MED13L: variants seen among roughly 807,000 people sequenced by gnomAD.
The protein encoded by MED13L is mediator of RNA polymerase II transcription subunit 13-like.
A neutral mutation model predicts 220.9 loss-of-function variants in MED13L; 7 were observed. That is an observed-to-expected ratio of 0.03 (90% CI 0.02 to 0.06). MED13L has a LOEUF of 0.06. Among genes scored for constraint, MED13L ranks in the 10% least tolerant of loss-of-function variants. The probability of loss-of-function intolerance (pLI) is 1.00; values close to 1 mark genes in which losing one functional copy is unlikely to be tolerated. For synonymous variants in MED13L, 1,011 were observed against 1,015.2 expected (o/e 1.00, Z 0.08); for missense variants, 1,965 against 2,760.5 (o/e 0.71, Z 6.46).
chr12:115,981,510 TGTCAAAG>T (rs528526852), intron 22 of MED13L, among the ~76,000 whole-genome samples: 123 of 152,272 alleles, frequency 8.1e-4, no homozygotes, highest in African/African-American at 2.8e-3. Context: ...ACTATAAAGC[TGTCAAAG>T]GTGCAGTGAA....
chr12:116,243,918 G>A (rs779514242), intron 1 of MED13L, among the ~76,000 whole-genome samples: 1 of 152,164 alleles, frequency 6.6e-6, no homozygotes, highest in Non-Finnish European at 1.5e-5. Flanking sequence ...TCCTGGCCCA[G>A]GCTAATTACA....
rs765745700 is a variant in MED13L at position 115,986,438 on chromosome 12, T to C, written c.4166A>G (p.Tyr1389Cys). The C allele has an allele frequency of 2.1e-5, 34 of 1,614,036 alleles. No individual in the cohort carries two copies. Among genetic ancestry groups the C allele is most frequent in the Admixed American group, 5.0e-5 (3 of 60,006 alleles). ...CGAGATGGTGAGGAAATCCTTGTCA[T>C]AGCCTACCAGCAGAGTGGGGATGGG... ...PLPIPTLLVGYDKDFLTISPF... is the reference protein window; with the variant it reads ...PLPIPTLLVGCDKDFLTISPF... Residue 1389 changes from tyrosine (Y) to cysteine (C), a missense_variant, in exon 19 of 31, where the codon TAT (tyrosine) becomes TGT (cysteine). By Grantham distance (194) the Tyr-to-Cys change is radical. This residue lies in a region of MED13L where 510 missense variants were observed against 620.4 expected (regional missense o/e 0.82). Coordinates refer to ENST00000281928, the MANE Select transcript of MED13L (RefSeq NM_015335.5).
intron 1 of MED13L, among the ~76,000 whole-genome samples, chr12:116,250,206 T>A (rs1306772880): frequency 1.3e-5 from 2 of 151,308 alleles, no homozygotes; most frequent in Non-Finnish European, 2.9e-5. Flanking sequence ...CCAAAAACAA[T>A]GGAAAAATAT....
intron 2 of MED13L, among the ~76,000 whole-genome samples, chr12:116,199,016 C>T (rs999091703): frequency 4.7e-4 from 71 of 152,176 alleles, no homozygotes; most frequent in African/African-American, 1.7e-3. Flanking sequence ...TCTATGTCTA[C>T]AGGTGGGCAC....
At chr12:116,035,324 C>T (rs1480562101) in intron 4 of MED13L, among the ~76,000 whole-genome samples, 1 of 147,784 alleles carries the variant, frequency 6.8e-6, no homozygotes, top group African/African-American at 2.6e-5. Context: ...GCTTTAATAC[C>T]AAATCACTAA....
At chr12:116,083,153 T>A (rs1221672792) in intron 4 of MED13L, among the ~76,000 whole-genome samples, 1 of 152,164 alleles carries the variant, frequency 6.6e-6, no homozygotes, top group Non-Finnish European at 1.5e-5. Flanking sequence ...ATACCTGTAA[T>A]CCCAGCACTT....
intron 2 of MED13L, among the ~76,000 whole-genome samples, chr12:116,209,575 A>G (rs1376620167): frequency 6.6e-6 from 1 of 151,950 alleles, no homozygotes; most frequent in Non-Finnish European, 1.5e-5. Context: ...ATGGCTCTTC[A>G]CTCAGTTTAC....
At chr12:116,237,791 G>T in intron 1 of MED13L, 86 bp from the exon 2 acceptor site, 1 of 1,156,148 alleles carries the variant, frequency 8.6e-7, no homozygotes, top group East Asian at 2.3e-5. Flanking sequence ...AAGCAATTGT[G>T]CTAAAATAAA....
In MED13L at chr12:116,135,230, A is replaced by T. The variant is rs58471589; in HGVS notation, c.311-23718T>A. ...ATAATCTCTATGGGTAGGTTAGAAA[A>T]GCCATGCAAGCTTCCATCTCATTCA... On this transcript the variant is annotated intron_variant, in intron 2 of 30. Coordinates refer to ENST00000281928, the MANE Select transcript of MED13L (RefSeq NM_015335.5). 7.9e-5 allele frequency among the ~76,000 whole-genome samples: 12 copies of T among 152,208 alleles called. No individual in the cohort carries two copies. The South Asian group carries it at 1.2e-3, about 16-fold the overall frequency.
intron 4 of MED13L, among the ~76,000 whole-genome samples, chr12:116,035,952 TA>T (rs1217801714): frequency 6.6e-6 from 1 of 152,204 alleles, no homozygotes; most frequent in East Asian, 1.9e-4. Flanking sequence ...TATTTTAATT[TA>T]TATGTCCAAT....
intron 2 of MED13L, among the ~76,000 whole-genome samples, chr12:116,132,320 C>T (rs996935986): frequency 6.7e-6 from 1 of 149,470 alleles, no homozygotes; most frequent in Non-Finnish European, 1.5e-5. Flanking sequence ...AAATAAAATA[C>T]TAGCACATTA....
At chr12:116,045,108 T>C (rs1881755659) in intron 4 of MED13L, among the ~76,000 whole-genome samples, 1 of 152,190 alleles carries the variant, frequency 6.6e-6, no homozygotes, top group Non-Finnish European at 1.5e-5. Flanking sequence ...TTGGGTAAAA[T>C]GCACCGTTAT....
chr12:116,042,342 C>T (rs553264132), intron 4 of MED13L, among the ~76,000 whole-genome samples: 1 of 152,320 alleles, frequency 6.6e-6, no homozygotes, highest in East Asian at 1.9e-4. Flanking sequence ...GGATGAGGGG[C>T]AGGATGCCTT....
At chr12:116,233,595 T>G (rs561496054) in intron 2 of MED13L, among the ~76,000 whole-genome samples, 20 of 152,234 alleles carry the variant, frequency 1.3e-4, no homozygotes, top group Admixed American at 6.5e-5. Flanking sequence ...TCGCAGCCTG[T>G]AGGTCTTTGC....
At chr12:116,161,805 CTGAG>C (rs1931405556) in intron 2 of MED13L, among the ~76,000 whole-genome samples, 1 of 152,112 alleles carries the variant, frequency 6.6e-6, no homozygotes, top group Non-Finnish European at 1.5e-5. Context: ...GTGTTTTAAC[CTGAG>C]TAAATTCCCT....
intron 4 of MED13L, among the ~76,000 whole-genome samples, chr12:116,054,980 GATTA>G (rs1868828913): frequency 6.6e-6 from 1 of 152,052 alleles, no homozygotes; most frequent in Admixed American, 6.5e-5. Context: ...ACATGCAAGG[GATTA>G]AATAAAAATA....
At chr12:116,083,376 TG>T (rs1340188379) in intron 4 of MED13L, among the ~76,000 whole-genome samples, 1 of 124,554 alleles carries the variant, frequency 8.0e-6, no homozygotes. Context: ...CACTTCAGCC[TG>T]GAAGACAGAG....
intron 2 of MED13L, among the ~76,000 whole-genome samples, chr12:116,117,342 T>G (rs1181678904): frequency 3.9e-5 from 6 of 152,164 alleles, no homozygotes; most frequent in Non-Finnish European, 7.3e-5. Flanking sequence ...CCCCCCACTC[T>G]ATATCTTGAT....
chr12:116,051,423 ATAATT>A (rs889466964), intron 4 of MED13L, among the ~76,000 whole-genome samples: 2 of 152,246 alleles, frequency 1.3e-5, no homozygotes, highest in African/African-American at 4.8e-5. Flanking sequence ...CTTTTAAATC[ATAATT>A]TAAAAATTCT....
Sources: allele counts gnomAD v4.1 joint callset (sites outside exome capture counted in the v4.1 genomes callset), GRCh38; gene constraint gnomAD v4.1.1; regional missense constraint gnomAD v4.1.1; transcripts MANE v1.5; gene names NCBI Gene and HGNC (gene_info 2026-07-23, HGNC 2026-07-21).